Variants in GAD2 observed in about 807,000 individuals in gnomAD.
GAD2 encodes glutamate decarboxylase 2, also known as 65 kDa glutamic acid decarboxylase.
In GAD2, 22 loss-of-function variants were observed where a neutral mutation model predicts 80.1. The observed-to-expected ratio is 0.27, with a 90% CI of 0.20 to 0.39. The LOEUF (loss-of-function observed/expected upper bound fraction) is 0.39, where lower values mean the gene tolerates loss of function less well. Ranked by LOEUF, GAD2 falls within the 10% of genes least tolerant of loss-of-function variation. The pLI is 1.00. For synonymous variants in GAD2, 274 were observed against 256.9 expected, an observed-to-expected ratio of 1.07 and a Z score of -0.64; for missense variants, 624 against 738.4, an observed-to-expected ratio of 0.85 and a Z score of 1.80.
At chr10:26,233,859 G>C (rs980747291) in intron 7 of GAD2, among the ~76,000 whole-genome samples, 9 of 152,180 alleles carry the variant, frequency 5.9e-5, no homozygotes, top group Admixed American at 4.6e-4. Flanking sequence ...TCAGTGAGGA[G>C]AGGGAGGCCA....
At chr10:26,260,141 A>G (rs1446586569) in intron 8 of GAD2, among the ~76,000 whole-genome samples, 2 of 152,218 alleles carry the variant, frequency 1.3e-5, no homozygotes, top group African/African-American at 4.8e-5. Context: ...AGCAAATATT[A>G]TGGACGACTT....
rs759636091 is a variant in GAD2 at position 26,246,009 on chromosome 10, G to C, written c.920+9G>C. On this transcript the variant is annotated intron_variant, in intron 8 of 15. Coordinates refer to ENST00000376261, the MANE Select transcript of GAD2 (RefSeq NM_001134366.2). The stretch of plus-strand genomic sequence containing the variant: ...ATTAAATGTGATGAGAGGTGAGCAC[G>C]CATCGGCAACTCTTGTTGGTTAGCA... 30 of 1,611,558 alleles carry C rather than the reference G, an allele frequency of 1.9e-5. No individual in the cohort carries two copies. The highest frequency in any genetic ancestry group is 4.0e-5 in the African/African-American group (3 of 74,844).
At position 26,301,813 on chromosome 10, in the gene GAD2, G is replaced by C. The variant is rs569468047; in HGVS notation, c.*852G>C. 3.9e-5 allele frequency: 6 copies of C among 152,078 alleles called. No homozygotes were observed. The highest frequency in any genetic ancestry group is 8.8e-5 in the Non-Finnish European group (6 of 68,026). 9.4% of individuals were successfully genotyped at this position (152,078 alleles called of 1,614,324 possible). On this transcript the variant is annotated 3_prime_UTR_variant, in exon 16 of 16. Transcript: ENST00000376261. ...GTTTTCCACCCATTTTACTCTTAGC[G>C]GACTCACTCTGCAAGCGTGACAAAC...
chr10:26,258,668 A>G (rs1037855771), intron 8 of GAD2, among the ~76,000 whole-genome samples: 2 of 152,300 alleles, frequency 1.3e-5, no homozygotes, highest in African/African-American at 2.4e-5. Flanking sequence ...CTATTTCACA[A>G]TGTCCTCAAG....
At chr10:26,247,261 G>A (rs555667349) in intron 8 of GAD2, among the ~76,000 whole-genome samples, 1 of 152,298 alleles carries the variant, frequency 6.6e-6, no homozygotes, top group African/African-American at 2.4e-5. Flanking sequence ...AACTGTCATA[G>A]TGCTGGTGAG....
At chr10:26,223,822 A>G in intron 4 of GAD2, 65 bp from the exon 5 acceptor site, 1 of 1,024,818 alleles carries the variant, frequency 9.8e-7, no homozygotes, top group East Asian at 2.4e-5. Flanking sequence ...TAGAGAAATC[A>G]TGTGTTTGAG....
intron 7 of GAD2, among the ~76,000 whole-genome samples, chr10:26,234,051 C>A (rs1381987015): frequency 6.6e-6 from 1 of 152,104 alleles, no homozygotes; most frequent in Non-Finnish European, 1.5e-5. Context: ...CAGCCGGGTG[C>A]GGTGGCTCAC....
intron 8 of GAD2, among the ~76,000 whole-genome samples, chr10:26,246,766 G>A (rs550652040): frequency 1.8e-4 from 27 of 152,228 alleles, no homozygotes; most frequent in Non-Finnish European, 3.5e-4. Context: ...TGTGAGCTAG[G>A]TGGGAAGAGG....
upstream of GAD2, chr10:26,216,701 C>T (rs1844375350): frequency 1.7e-5 from 13 of 755,604 alleles, no homozygotes; most frequent in Non-Finnish European, 2.2e-5. The surrounding 1 kb of genome is among the most constrained non-coding windows in gnomAD (Gnocchi z 4.7). Context: ...GGTCCCCGCG[C>T]GGTGCCCTCC....
At chr10:26,220,070 G>A (rs1320637567) in intron 4 of GAD2, among the ~76,000 whole-genome samples, 2 of 152,040 alleles carry the variant, frequency 1.3e-5, no homozygotes, top group Non-Finnish European at 2.9e-5. Flanking sequence ...TGCATTCCGA[G>A]CTTTCATGTT....
intron 12 of GAD2, 123 bp from the exon 13 acceptor site, chr10:26,286,222 C>A: frequency 1.1e-6 from 1 of 875,118 alleles, no homozygotes; most frequent in African/African-American, 1.7e-5. Flanking sequence ...AAAATTGATT[C>A]TTACTGTTTT....
chr10:26,279,054 C>G (rs1845243446), intron 11 of GAD2, among the ~76,000 whole-genome samples: 2 of 152,034 alleles, frequency 1.3e-5, no homozygotes, highest in African/African-American at 4.8e-5. Flanking sequence ...TTTCCTTCCT[C>G]CTTTATGCCA....
In GAD2 at chr10:26,282,954, C is replaced by T. The variant is rs545582944; in HGVS notation, c.1236+1867C>T. 7.9e-5 allele frequency among the ~76,000 whole-genome samples: 12 copies of T among 152,318 alleles called. No homozygotes were observed. In the South Asian group the frequency reaches 1.9e-3, roughly 24 times the overall value. ...CAGTCCAATGTATTATCATCTGCCC[C>T]AGCTCATGCAGGGCATGAGACCTCA... On this transcript the variant is annotated intron_variant, in intron 12 of 15. Transcript: ENST00000376261.
chr10:26,236,056 C>T (rs1262724330), intron 7 of GAD2, among the ~76,000 whole-genome samples: 3 of 152,138 alleles, frequency 2.0e-5, no homozygotes, highest in African/African-American at 7.2e-5. Flanking sequence ...CTGCTGAGGC[C>T]CCTTGTGGCT....
At chr10:26,238,323 G>T (rs1458430574) in intron 7 of GAD2, among the ~76,000 whole-genome samples, 1 of 152,164 alleles carries the variant, frequency 6.6e-6, no homozygotes, top group African/African-American at 2.4e-5. Context: ...ATAGAAGCAG[G>T]TGTCAAACCC....
At position 26,230,326 on chromosome 10, in the gene GAD2, G is replaced by A. The variant is rs1275180392; in HGVS notation, c.840+549G>A. 2.6e-5 allele frequency among the ~76,000 whole-genome samples: 4 copies of A among 152,228 alleles called. No homozygotes were observed. The East Asian group carries it at 7.7e-4, about 29-fold the overall frequency. On this transcript the variant is annotated intron_variant, in intron 7 of 15. Coordinates refer to ENST00000376261, the MANE Select transcript of GAD2 (RefSeq NM_001134366.2). ...TTTGGACCATTGATGCTACGCCCAT[G>A]TAAGCAAAACTCCAGAGGAGCCTTT...
intron 8 of GAD2, among the ~76,000 whole-genome samples, chr10:26,265,116 T>C (rs556141899): frequency 6.6e-6 from 1 of 152,306 alleles, no homozygotes; most frequent in Non-Finnish European, 1.5e-5. Context: ...AAAGAGAAGA[T>C]GTTTCCTGCT....
At chr10:26,233,832 G>A (rs1844635628) in intron 7 of GAD2, among the ~76,000 whole-genome samples, 1 of 152,192 alleles carries the variant, frequency 6.6e-6, no homozygotes, top group Non-Finnish European at 1.5e-5. Flanking sequence ...GGATAATGGA[G>A]GGGCTGCTGT....
chr10:26,218,015 G>A (rs764911751), intron 3 of GAD2, 24 bp downstream of exon 3: 1 of 1,580,718 alleles, frequency 6.3e-7, no homozygotes, highest in South Asian at 1.2e-5. Context: ...GGGGAGCCCC[G>A]GGGCGCCCCT....
Sources: gnomAD v4.1 joint callset for allele counts (sites outside exome capture counted in the v4.1 genomes callset) on GRCh38, gnomAD v4.1.1 for gene constraint, Gnocchi (gnomAD v3.1) non-coding constraint, MANE v1.5 for transcripts, NCBI Gene and HGNC (gene_info 2026-07-23, HGNC 2026-07-21) for gene names.